The following NCF4 variants were observed in gnomAD, a reference collection of about 807,000 sequenced individuals.
The protein encoded by NCF4 is neutrophil cytosol factor 4.
A neutral mutation model predicts 41.7 loss-of-function variants in NCF4; 30 were observed. The ratio of observed to expected loss-of-function variants is 0.72; its 90% CI spans 0.54 to 0.97. NCF4 has a LOEUF of 0.97. Among genes scored for constraint, NCF4 ranks in the 50% least tolerant of loss-of-function variants. The probability of loss-of-function intolerance (pLI) is 0.00; values close to 1 mark genes in which losing one functional copy is unlikely to be tolerated. For missense variants in NCF4, 432 were observed against 460.9 expected, an observed-to-expected ratio of 0.94 and a Z score of 0.57; for synonymous variants, 195 against 175.8, an observed-to-expected ratio of 1.11 and a Z score of -0.87.
intron 9 of NCF4, 132 bp from the exon 10 acceptor site, chr22:36,877,496 A>AT (rs1282565406): frequency 5.5e-6 from 5 of 905,648 alleles, no homozygotes; most frequent in African/African-American, 1.6e-5. Context: ...GATTACTTGG[A>AT]TGACACGGGC....
chr22:36,874,418 C>T (rs1940147428), intron 7 of NCF4, among the ~76,000 whole-genome samples: 1 of 152,202 alleles, frequency 6.6e-6, no homozygotes, highest in African/African-American at 2.4e-5. Flanking sequence ...AGCGTCCAGG[C>T]CCTGGAGAGG....
At chr22:36,869,221 A>C (rs1939997039) in intron 4 of NCF4, among the ~76,000 whole-genome samples, 1 of 152,212 alleles carries the variant, frequency 6.6e-6, no homozygotes, top group African/African-American at 2.4e-5. Context: ...CGTTGTAATG[A>C]AAATCACAGT....
Position 36,861,053 on chromosome 22 carries a change from G to T in NCF4, c.-119G>T. ...AGCCTCCCCAAAGGCAGCTCCTGGG[G>T]ACTCCCAGGACCACAGGCTGAGACG... On this transcript the variant is annotated 5_prime_UTR_variant, in exon 1 of 10. Coordinates refer to ENST00000248899, the MANE Select transcript of NCF4 (RefSeq NM_000631.5). The T allele has an allele frequency of 1.5e-6, 2 of 1,350,008 alleles. No individual in the cohort carries two copies. Among genetic ancestry groups the T allele is most frequent in the Non-Finnish European group, 2.1e-6 (2 of 964,558 alleles). 83.6% of individuals were successfully genotyped at this position (1,350,008 alleles called of 1,614,324 possible).
At position 36,872,404 on chromosome 22, in the gene NCF4, G is replaced by A. The variant is rs749545374; in HGVS notation, c.606G>A (p.Arg202=). 1.9e-6 allele frequency: 3 copies of A among 1,611,556 alleles called. No individual in the cohort carries two copies. Among genetic ancestry groups the A allele is most frequent in the Middle Eastern group, 1.7e-4 (1 of 6,056 alleles). ...GAGATGTGATCTTCCTCCTCAGTCG[G>A]ATCAACAAAGACTGGCTGGAGGTGA... ...KAGDVIFLLS[R]INKDWLEGTV... Residue 202 remains arginine (R), a synonymous_variant, in exon 7 of 10, where the codon CGG becomes CGA. Coordinates refer to ENST00000248899, the MANE Select transcript of NCF4 (RefSeq NM_000631.5).
At position 36,865,962 on chromosome 22, in the gene NCF4, C is replaced by T. The variant is rs1317004943; in HGVS notation, c.271+890C>T. Among the ~76,000 whole-genome samples, 2 of 152,128 alleles carry T rather than the reference C, an allele frequency of 1.3e-5. No individual in the cohort carries two copies. Among genetic ancestry groups the T allele is most frequent in the African/African-American group, 4.8e-5 (2 of 41,414 alleles). On this transcript the variant is annotated intron_variant, in intron 3 of 9. Transcript: ENST00000248899. The surrounding 1 kb of genome is among the most constrained non-coding windows in gnomAD (Gnocchi z 4.3). The stretch of plus-strand genomic sequence containing the variant: ...CTCTCAGGCTCCATCATTTTCCCTC[C>T]TCTCTCTTTTGGGGCTCTCTCCTGA...
At chr22:36,863,912 C>G in intron 1 of NCF4, 133 bp from the exon 2 acceptor site, 1 of 853,240 alleles carries the variant, frequency 1.2e-6, no homozygotes, top group South Asian at 1.3e-5. Flanking sequence ...CTGGACCTGG[C>G]CTGGGAAGGG....
intron 7 of NCF4, among the ~76,000 whole-genome samples, chr22:36,874,198 G>A (rs571783132): frequency 7.2e-5 from 11 of 152,380 alleles, no homozygotes; most frequent in Middle Eastern, 3.4e-3. Context: ...TTGTCCCTGT[G>A]TGGCCCACAG....
In NCF4 at chr22:36,865,957, C is replaced by T. The variant is rs1939917907; in HGVS notation, c.271+885C>T. ...CTCCCCTCTCAGGCTCCATCATTTT[C>T]CCTCCTCTCTCTTTTGGGGCTCTCT... is the stretch of plus-strand genomic sequence containing the variant. On this transcript the variant is annotated intron_variant, in intron 3 of 9. Transcript: ENST00000248899. This position sits in a 1 kb window ranked among gnomAD's most constrained non-coding sequence, Gnocchi z 4.3. Among the ~76,000 whole-genome samples the T allele has an allele frequency of 6.6e-6, 1 of 152,046 alleles. No homozygotes were observed. Among genetic ancestry groups the T allele is most frequent in the African/African-American group, 2.4e-5 (1 of 41,374 alleles).
intron 3 of NCF4, among the ~76,000 whole-genome samples, chr22:36,866,358 A>C (rs1232831179): frequency 1.3e-5 from 2 of 151,782 alleles, no homozygotes; most frequent in Non-Finnish European, 2.9e-5. Context: ...TCCTCTGTTA[A>C]GCTTTCTCCA....
intron 7 of NCF4, among the ~76,000 whole-genome samples, chr22:36,874,773 C>T (rs192178763): frequency 6.6e-6 from 1 of 152,164 alleles, no homozygotes; most frequent in African/African-American, 2.4e-5. Context: ...AGGCCATGGC[C>T]GGGTCTGGGT....
In NCF4 at chr22:36,870,562, G is replaced by C. The variant is rs6000454; in HGVS notation, c.470+20G>C. On this transcript the variant is annotated intron_variant, in intron 5 of 9. Coordinates refer to ENST00000248899, the MANE Select transcript of NCF4 (RefSeq NM_000631.5). ...GAAAGTGTAAGTGACCAGCCCCTGG[G>C]CTTCCACATGGCCAGAGCCCTGGGT... 4.8e-3 allele frequency: 7,771 copies of C among 1,608,814 alleles called. 306 individuals are homozygous for C. The African/African-American group carries it at 0.091, about 19-fold the overall frequency.
At chr22:36,869,195 C>G (rs1044720072) in intron 4 of NCF4, among the ~76,000 whole-genome samples, 1 of 152,214 alleles carries the variant, frequency 6.6e-6, no homozygotes, top group African/African-American at 2.4e-5. Flanking sequence ...GGTTTGAGCT[C>G]TTACCCACTG....
chr22:36,864,262 G>T lies in NCF4; in HGVS notation c.117+133G>T, dbSNP rs34018301. 310 of 836,404 alleles carry T rather than the reference G, an allele frequency of 3.7e-4. 2 individuals are homozygous for T. In the African/African-American group the frequency reaches 4.7e-3, roughly 13 times the overall value. 51.8% of individuals were successfully genotyped at this position (836,404 alleles called of 1,614,324 possible). On this transcript the variant is annotated intron_variant, in intron 2 of 9. Transcript: ENST00000248899. ...CTTCTATCTCAGTGGTTCTCAACAG[G>T]ACCGATTTTGCCCATTTGACATTAC...
intron 8 of NCF4, 86 bp downstream of exon 8, chr22:36,875,869 C>G: frequency 1.2e-6 from 2 of 1,614,088 alleles, no homozygotes; most frequent in Non-Finnish European, 1.7e-6. Flanking sequence ...TCATGGGTCC[C>G]TCTCCCACTC....
chr22:36,861,333 A>G, intron 1 of NCF4, 130 bp downstream of exon 1: 1 of 1,202,220 alleles, frequency 8.3e-7, no homozygotes, highest in Non-Finnish European at 1.2e-6. Context: ...CCAAATACTC[A>G]GAAATGCAAC....
chr22:36,864,391 G>A (rs1387825285), intron 2 of NCF4, among the ~76,000 whole-genome samples: 1 of 152,134 alleles, frequency 6.6e-6, no homozygotes, highest in Non-Finnish European at 1.5e-5. Context: ...TGACAGCCCT[G>A]TCCCCAGTAA....
In NCF4 at chr22:36,877,716, C is replaced by T. The variant is rs766267228; in HGVS notation, c.913C>T (p.Leu305Phe). 3 of 1,614,188 alleles carry T rather than the reference C, an allele frequency of 1.9e-6. No homozygotes were observed. In the South Asian group the frequency reaches 3.3e-5, roughly 18 times the overall value. ...GCTGCTGTCGGATGAGGACGTAGCG[C>T]TCATGGTGCGGCAGGCTCGTGGCCT... ...VRLLSDEDVA[L>F]MVRQARGLPS... Residue 305 changes from leucine (L) to phenylalanine (F), a missense_variant, in exon 10 of 10, where the codon CTC becomes TTC. Leu to Phe is a conservative substitution (Grantham distance 22, BLOSUM62 0). Coordinates refer to ENST00000248899, the MANE Select transcript of NCF4 (RefSeq NM_000631.5).
chr22:36,867,344 G>A (rs1403433795), intron 3 of NCF4, 48 bp from the exon 4 acceptor site: 12 of 1,606,644 alleles, frequency 7.5e-6, no homozygotes, highest in Non-Finnish European at 1.0e-5. Flanking sequence ...CTGAGCCCCG[G>A]GGCCATGTTG....
At chr22:36,870,801 G>A (rs1431190476) in intron 5 of NCF4, among the ~76,000 whole-genome samples, 1 of 152,166 alleles carries the variant, frequency 6.6e-6, no homozygotes, top group Non-Finnish European at 1.5e-5. Context: ...TGGTGCCACA[G>A]CAACTACTGG....
Sources: allele counts gnomAD v4.1 joint callset (sites outside exome capture counted in the v4.1 genomes callset), GRCh38; gene constraint gnomAD v4.1.1; non-coding constraint Gnocchi (gnomAD v3.1); transcripts MANE v1.5; gene names NCBI Gene and HGNC (gene_info 2026-07-23, HGNC 2026-07-21).